FAM110B: variants seen among roughly 807,000 people sequenced by gnomAD.
FAM110B encodes protein FAM110B.
A neutral mutation model predicts 20.4 loss-of-function variants in FAM110B; 6 were observed. The observed-to-expected ratio is 0.29, with a 90% CI of 0.16 to 0.58. The LOEUF is 0.58. FAM110B is among the 20% of genes least tolerant of loss of function. The pLI is 0.90. For missense variants in FAM110B, 434 were observed against 498.2 expected (o/e 0.87, Z 1.23); for synonymous variants, 226 against 214.1 (o/e 1.06, Z -0.49).
intron 1 of FAM110B, among the ~76,000 whole-genome samples, chr8:58,016,245 T>A (rs981085057): frequency 1.2e-4 from 19 of 152,320 alleles, no homozygotes; most frequent in African/African-American, 4.6e-4. Context: ...GGAAGTAAAA[T>A]TTGTATTATC....
At chr8:58,100,736 T>C (rs1343539289) in intron 3 of FAM110B, 4 of 152,258 alleles carry the variant, frequency 2.6e-5, no homozygotes, top group Non-Finnish European at 4.4e-5. Flanking sequence ...AATGACCTCC[T>C]GTTAACTCAT....
At chr8:58,097,370 C>T (rs529058973) in intron 3 of FAM110B, among the ~76,000 whole-genome samples, 2 of 152,252 alleles carry the variant, frequency 1.3e-5, no homozygotes, top group East Asian at 1.9e-4. Context: ...ACAAAGTTGT[C>T]GTGCTGTGTT....
intron 2 of FAM110B, among the ~76,000 whole-genome samples, chr8:58,059,597 G>C (rs956289798): frequency 1.3e-5 from 2 of 150,760 alleles, no homozygotes; most frequent in Non-Finnish European, 3.0e-5. Context: ...AAGTTGGATT[G>C]CTGTTCTTTT....
chr8:58,144,713 T>C (rs1488372274), intron 3 of FAM110B, among the ~76,000 whole-genome samples: 6 of 152,244 alleles, frequency 3.9e-5, no homozygotes, highest in Middle Eastern at 3.2e-3. Flanking sequence ...GCATTCCTAA[T>C]TATAACCAAA....
intron 3 of FAM110B, chr8:58,106,342 G>A (rs575144493): frequency 4.6e-5 from 7 of 152,238 alleles, no homozygotes; most frequent in Non-Finnish European, 1.0e-4. Flanking sequence ...TTTTCACACA[G>A]ACAGGAAAGG....
chr8:58,053,747 T>C (rs1293746097), intron 2 of FAM110B, among the ~76,000 whole-genome samples: 3 of 152,248 alleles, frequency 2.0e-5, no homozygotes, highest in Admixed American at 6.5e-5. Flanking sequence ...TTTTATTCAA[T>C]ATTTGGCTTA....
At chr8:58,081,881 T>G (rs1366001879) in intron 3 of FAM110B, among the ~76,000 whole-genome samples, 1 of 152,230 alleles carries the variant, frequency 6.6e-6, no homozygotes, top group African/African-American at 2.4e-5. Flanking sequence ...CACAATTTAA[T>G]GTATACCATG....
intron 3 of FAM110B, chr8:58,113,322 G>A (rs1807111360): frequency 1.4e-5 from 3 of 213,854 alleles, no homozygotes; most frequent in Non-Finnish European, 1.0e-5. Context: ...AACAGCTGGA[G>A]TGAATGCCCA....
intron 1 of FAM110B, among the ~76,000 whole-genome samples, chr8:58,016,658 C>T (rs1009762909): frequency 1.8e-4 from 27 of 152,166 alleles, no homozygotes; most frequent in African/African-American, 6.3e-4. Context: ...ATCCTGTTTG[C>T]CTCGTGGTGT....
intron 3 of FAM110B, among the ~76,000 whole-genome samples, chr8:58,101,496 T>G (rs1806779111): frequency 6.6e-6 from 1 of 152,224 alleles, no homozygotes. Flanking sequence ...AGGTGAACTC[T>G]CTAAACATTT....
At chr8:58,072,985 G>C (rs1224459206) in intron 2 of FAM110B, among the ~76,000 whole-genome samples, 2 of 152,208 alleles carry the variant, frequency 1.3e-5, no homozygotes, top group African/African-American at 4.8e-5. Context: ...CTTGGCATCT[G>C]TCATAATCCA....
chr8:58,125,038 T>A lies in FAM110B; in HGVS notation c.-324-20869T>A, dbSNP rs1807461675. 2.0e-5 allele frequency among the ~76,000 whole-genome samples: 3 copies of A among 152,208 alleles called. No homozygotes were observed. In the South Asian group the frequency reaches 6.2e-4, roughly 32 times the overall value. Reference sequence around the variant, plus strand: ...TCTAGAATTGTTCTGCTTAGATTATTGTAATTTGTACATGAAAATATTATT... The same window carrying A: ...TCTAGAATTGTTCTGCTTAGATTATAGTAATTTGTACATGAAAATATTATT... On this transcript the variant is annotated intron_variant, in intron 3 of 3. Transcript: ENST00000519262.
intron 3 of FAM110B, among the ~76,000 whole-genome samples, chr8:58,108,373 G>A (rs562801826): frequency 1.6e-4 from 24 of 152,314 alleles, no homozygotes; most frequent in African/African-American, 5.5e-4. Context: ...CAGCATTGAC[G>A]TGGGTGACAC....
At chr8:58,022,980 G>T (rs1804787031) in intron 1 of FAM110B, among the ~76,000 whole-genome samples, 1 of 152,132 alleles carries the variant, frequency 6.6e-6, no homozygotes, top group African/African-American at 2.4e-5. Flanking sequence ...TAGAGTCCCT[G>T]CATCTGATGT....
chr8:58,101,374 A>G (rs1806776053), intron 3 of FAM110B, among the ~76,000 whole-genome samples: 1 of 152,206 alleles, frequency 6.6e-6, no homozygotes, highest in Admixed American at 6.5e-5. Flanking sequence ...CAGTCTGATC[A>G]TTCATGTACT....
In FAM110B at chr8:58,126,888, A is replaced by C. The variant is rs183608047; in HGVS notation, c.-324-19019A>C. 9.9e-5 allele frequency among the ~76,000 whole-genome samples: 15 copies of C among 152,252 alleles called. No individual in the cohort carries two copies. In the East Asian group the frequency reaches 2.9e-3, roughly 29 times the overall value. The stretch of plus-strand genomic sequence containing the variant: ...TTTAACAGAGCCCTTCACAGATAAA[A>C]AGTTTTTGTAATTCTAATCAGTCAA... On this transcript the variant is annotated intron_variant, in intron 3 of 3. Coordinates refer to ENST00000519262, the MANE Select transcript of FAM110B (RefSeq NM_001377989.1).
intron 3 of FAM110B, among the ~76,000 whole-genome samples, chr8:58,140,111 G>A (rs573543158): frequency 2.6e-5 from 4 of 152,070 alleles, no homozygotes; most frequent in Non-Finnish European, 4.4e-5. Flanking sequence ...AGGAAGAAGG[G>A]AACAAGGATT....
At chr8:58,025,562 G>A (rs1246510778) in intron 1 of FAM110B, among the ~76,000 whole-genome samples, 1 of 152,090 alleles carries the variant, frequency 6.6e-6, no homozygotes, top group African/African-American at 2.4e-5. Flanking sequence ...CAGGCATGAG[G>A]GCAGGAGGGC....
chr8:58,041,549 A>C (rs755155828), intron 2 of FAM110B, among the ~76,000 whole-genome samples: 9 of 152,172 alleles, frequency 5.9e-5, no homozygotes, highest in Non-Finnish European at 7.4e-5. Flanking sequence ...GTTATTCTGC[A>C]GCTACTGCCC....
Sources: gnomAD v4.1 joint callset for allele counts (sites outside exome capture counted in the v4.1 genomes callset) on GRCh38, gnomAD v4.1.1 for gene constraint, MANE v1.5 for transcripts, NCBI Gene and HGNC (gene_info 2026-07-23, HGNC 2026-07-21) for gene names.